Variants in CHL1 observed in about 807,000 individuals in gnomAD.
CHL1 encodes the protein cell adhesion molecule L1 like.
CHL1 carries 96 observed loss-of-function variants against 141.9 expected under a neutral mutation model. That is an observed-to-expected ratio of 0.68 (90% confidence interval 0.57 to 0.80). The LOEUF is 0.80. Among genes scored for constraint, CHL1 ranks in the 30% least tolerant of loss-of-function variants. The pLI is 0.00. For synonymous variants in CHL1, 613 were observed against 502.2 expected, an observed-to-expected ratio of 1.22 and a Z score of -2.95; for missense variants, 1,820 against 1,457.2, an observed-to-expected ratio of 1.25 and a Z score of -4.05.
At chr3:333,623 T>A (rs953318215) in intron 5 of CHL1, among the ~76,000 whole-genome samples, 2 of 152,198 alleles carry the variant, frequency 1.3e-5, no homozygotes, top group African/African-American at 4.8e-5. Flanking sequence ...CAGTGAGTTA[T>A]TCAACAATCT....
chr3:197,803 G>A (rs1698495011), intron 1 of CHL1: 1 of 456,306 alleles, frequency 2.2e-6, no homozygotes, highest in African/African-American at 2.0e-5. Flanking sequence ...TGGTAGCGGA[G>A]CCCGGGGGGC....
At chr3:200,680 C>T (rs914389818) in intron 1 of CHL1, among the ~76,000 whole-genome samples, 2 of 152,128 alleles carry the variant, frequency 1.3e-5, no homozygotes, top group Non-Finnish European at 2.9e-5. Flanking sequence ...TTACATTATT[C>T]GCTATCATTT....
chr3:328,300 G>C lies in CHL1; in HGVS notation c.331G>C (p.Ala111Pro). The change falls in exon 5 of 28, where the codon GCT becomes CCT. Residue 111 changes from alanine to proline, a missense_variant. Physicochemically the swap from Ala to Pro is conservative, Grantham distance 27. Coordinates refer to ENST00000256509, the MANE Select transcript of CHL1 (RefSeq NM_006614.4). ...SHFQGKYRCF[A>P]SNKLGIAMSE... ...CTTTCAAGGGAAATACCGCTGCTTT[G>C]CTTCAAATAAACTGGGAATCGCTAT... The C allele has an allele frequency of 3.1e-6, 5 of 1,612,112 alleles. No homozygotes were observed. The highest frequency in any genetic ancestry group is 4.2e-6 in the Non-Finnish European group (5 of 1,178,844).
At chr3:402,692 G>A (rs1709235709) in intron 27 of CHL1, among the ~76,000 whole-genome samples, 1 of 151,526 alleles carries the variant, frequency 6.6e-6, no homozygotes, top group Non-Finnish European at 1.5e-5. Flanking sequence ...TCCATTTTGT[G>A]GTATACTTAT....
intron 2 of CHL1, among the ~76,000 whole-genome samples, chr3:298,403 C>T (rs1174242144): frequency 4.3e-5 from 6 of 139,022 alleles, no homozygotes; most frequent in African/African-American, 1.1e-4. Flanking sequence ...CACATAAGAG[C>T]ATGCACTGGA....
chr3:259,694 C>T (rs77286176), intron 2 of CHL1, among the ~76,000 whole-genome samples: 5,647 of 152,134 alleles, frequency 0.037, 156 homozygotes, highest in Non-Finnish European at 0.056. Context: ...TACAAGGCTT[C>T]ATGAAAGGAG....
chr3:199,366 T>C (rs542342957), intron 1 of CHL1, among the ~76,000 whole-genome samples: 31 of 152,346 alleles, frequency 2.0e-4, no homozygotes, highest in African/African-American at 7.2e-4. Context: ...TGAATATATG[T>C]TTCCCAGATT....
intron 2 of CHL1, chr3:309,266 C>G (rs1177881357): frequency 6.5e-6 from 1 of 153,018 alleles, no homozygotes; most frequent in East Asian, 1.9e-4. Context: ...GTGGCAGCTC[C>G]TTCTCTTGCC....
At chr3:349,247 A>C (rs1703033298) in intron 9 of CHL1, 112 bp from the exon 10 acceptor site, 2 of 826,774 alleles carry the variant, frequency 2.4e-6, no homozygotes, top group Non-Finnish European at 3.8e-6. Context: ...GATTCAGTGG[A>C]ATATGAGCAC....
At chr3:340,401 G>T (rs1702261227) in intron 5 of CHL1, among the ~76,000 whole-genome samples, 1 of 152,150 alleles carries the variant, frequency 6.6e-6, no homozygotes, top group African/African-American at 2.4e-5. Context: ...TAAAGCGAGA[G>T]ATAGAGAATA....
chr3:259,946 T>C (rs1406018960), intron 2 of CHL1, among the ~76,000 whole-genome samples: 2 of 152,134 alleles, frequency 1.3e-5, no homozygotes, highest in African/African-American at 4.8e-5. Context: ...CACTAAACAC[T>C]GAAAATAAAG....
rs915097222 is a variant in CHL1 at position 358,474 on chromosome 3, A to G, written c.1166-1810A>G. On this transcript the variant is annotated intron_variant, in intron 11 of 27. Coordinates refer to ENST00000256509, the MANE Select transcript of CHL1 (RefSeq NM_006614.4). ...ATCTGCAAGTCCCTTTTTTCCATGT[A>G]AAGTAACAAAGTCATACATTCTGGG... Among the ~76,000 whole-genome samples the G allele has an allele frequency of 3.3e-5, 5 of 152,126 alleles. No homozygotes were observed. In the East Asian group the frequency reaches 9.6e-4, roughly 29 times the overall value.
chr3:239,504 TG>T (rs763446350), intron 1 of CHL1, among the ~76,000 whole-genome samples: 2 of 152,034 alleles, frequency 1.3e-5, no homozygotes, highest in African/African-American at 2.4e-5. Context: ...TACTTGTGAC[TG>T]TAAGGTGAAG....
intron 1 of CHL1, among the ~76,000 whole-genome samples, chr3:224,635 C>G (rs951409542): frequency 6.6e-6 from 1 of 152,134 alleles, no homozygotes; most frequent in Non-Finnish European, 1.5e-5. Flanking sequence ...AGAAGCCAAG[C>G]AGATGCCAGT....
intron 2 of CHL1, among the ~76,000 whole-genome samples, chr3:284,522 G>A (rs1304267658): frequency 6.6e-6 from 1 of 152,188 alleles, no homozygotes; most frequent in African/African-American, 2.4e-5. Context: ...CCCTACCAAT[G>A]TAAAGGCGTT....
chr3:206,438 C>G (rs1699453694), intron 1 of CHL1, among the ~76,000 whole-genome samples: 1 of 151,858 alleles, frequency 6.6e-6, no homozygotes, highest in Admixed American at 6.6e-5. Context: ...TGCACTCCAG[C>G]CTGGGTGACA....
At chr3:269,794 C>G (rs970465867) in intron 2 of CHL1, among the ~76,000 whole-genome samples, 2 of 152,132 alleles carry the variant, frequency 1.3e-5, no homozygotes, top group Admixed American at 1.3e-4. Flanking sequence ...CCAAAGTGCA[C>G]GGATTACAAG....
chr3:281,343 T>C (rs1275623485), intron 2 of CHL1, among the ~76,000 whole-genome samples: 1 of 152,138 alleles, frequency 6.6e-6, no homozygotes, highest in Non-Finnish European at 1.5e-5. Flanking sequence ...GAAAGGGACC[T>C]CACATCCAAG....
chr3:267,959 C>A (rs1037895131), intron 2 of CHL1, among the ~76,000 whole-genome samples: 1 of 152,110 alleles, frequency 6.6e-6, no homozygotes, highest in Non-Finnish European at 1.5e-5. Context: ...TGTTGATGAT[C>A]AATTCTAAAA....
Sources: gnomAD v4.1 joint callset for allele counts (sites outside exome capture counted in the v4.1 genomes callset) on GRCh38, gnomAD v4.1.1 for gene constraint, MANE v1.5 for transcripts, NCBI Gene and HGNC (gene_info 2026-07-23, HGNC 2026-07-21) for gene names.